GXYLT1: variants seen among roughly 807,000 people sequenced by gnomAD.
GXYLT1 encodes glucoside xylosyltransferase 1, also known as glycosyltransferase 8 domain containing 3.
A neutral mutation model predicts 54.0 loss-of-function variants in GXYLT1; 29 were observed. The ratio of observed to expected loss-of-function variants is 0.54; its 90% confidence interval spans 0.40 to 0.73. The LOEUF (loss-of-function observed/expected upper bound fraction) is 0.73, where lower values mean the gene tolerates loss of function less well. Ranked by LOEUF, GXYLT1 falls within the 30% of genes least tolerant of loss-of-function variation. GXYLT1 has a pLI of 0.00. For synonymous variants in GXYLT1, 176 were observed against 204.1 expected (o/e 0.86, Z 1.17); for missense variants, 490 against 553.4 (o/e 0.89, Z 1.15).
At chr12:42,121,467 A>C (rs2065531062) in intron 2 of GXYLT1, among the ~76,000 whole-genome samples, 1 of 152,064 alleles carries the variant, frequency 6.6e-6, no homozygotes, top group Non-Finnish European at 1.5e-5. Flanking sequence ...CCCAGTATCC[A>C]CACACACAAA....
chr12:42,087,749 TTTG>T lies in GXYLT1; in HGVS notation c.*34_*36del, dbSNP rs753606780. 1.0e-5 allele frequency: 15 copies of T among 1,465,972 alleles called. No homozygotes were observed. The African/African-American group carries it at 2.1e-4, about 21-fold the overall frequency. The allele number at this position is 1,465,972 out of a possible 1,614,324, so 90.8% of individuals were successfully genotyped here. A position where few individuals can be genotyped will look rare whatever the true frequency, so the allele number is the denominator to read the frequency against. Reference sequence around the variant, plus strand: ...TTCCTTCACACTTATCTTCTGATTCTTTGTTTTCATCCATTTGATTAAGCAGTC... The same window carrying T: ...TTCCTTCACACTTATCTTCTGATTCTTTTTCATCCATTTGATTAAGCAGTC... On this transcript the variant is annotated 3_prime_UTR_variant, in exon 8 of 8. Transcript: ENST00000398675.
intron 5 of GXYLT1, among the ~76,000 whole-genome samples, chr12:42,098,937 G>A (rs1037789132): frequency 9.2e-5 from 14 of 151,936 alleles, no homozygotes; most frequent in East Asian, 1.9e-4. Context: ...ATTCTGTAAA[G>A]AGGCACCATG....
chr12:42,101,967 G>A (rs541308922), intron 5 of GXYLT1, among the ~76,000 whole-genome samples: 1 of 152,206 alleles, frequency 6.6e-6, no homozygotes, highest in Non-Finnish European at 1.5e-5. Flanking sequence ...ATATGTCAAG[G>A]GGAGACCTGT....
chr12:42,110,917 G>C (rs1335584560), intron 3 of GXYLT1, among the ~76,000 whole-genome samples: 1 of 152,260 alleles, frequency 6.6e-6, no homozygotes, highest in East Asian at 1.9e-4. Context: ...AACATTCTCA[G>C]TGATTATTAC....
At chr12:42,110,325 C>G (rs1687733815) in intron 3 of GXYLT1, among the ~76,000 whole-genome samples, 1 of 152,102 alleles carries the variant, frequency 6.6e-6, no homozygotes. Flanking sequence ...AGTATTATCT[C>G]TCATTCTTAT....
At position 42,109,585 on chromosome 12, in the gene GXYLT1, G is replaced by A. The variant is rs752358044; in HGVS notation, c.593C>T (p.Ser198Leu). Residue 198 changes from serine to leucine, a missense_variant, in exon 4 of 8, where the codon TCG becomes TTG. This residue lies in a region of GXYLT1 where 342 missense variants were observed against 342.6 expected (regional missense o/e 1.00). Transcript: ENST00000398675. The stretch of plus-strand genomic sequence containing the variant: ...ACTTACCGGCAAGAACAATCTCTGC[G>A]AAGCACATGGTTTAAAGAGTTTTTT... ...EWKKLFKPCA[S>L]QRLFLPLILK... is the part of the protein sequence containing the mutation. 3.8e-6 allele frequency: 6 copies of A among 1,558,868 alleles called. No homozygotes were observed. Among genetic ancestry groups the A allele is most frequent in the African/African-American group, 1.4e-5 (1 of 71,272 alleles).
intron 1 of GXYLT1, among the ~76,000 whole-genome samples, chr12:42,137,973 T>A (rs1165524712): frequency 6.6e-6 from 1 of 152,000 alleles, no homozygotes; most frequent in Non-Finnish European, 1.5e-5. Context: ...AATTTTCAAC[T>A]AAATTGTTTC....
chr12:42,105,307 T>C (rs956141924), intron 5 of GXYLT1, among the ~76,000 whole-genome samples: 4 of 152,232 alleles, frequency 2.6e-5, no homozygotes, highest in Admixed American at 1.3e-4. Flanking sequence ...TAACTTCCAA[T>C]AACACCATAA....
intron 5 of GXYLT1, among the ~76,000 whole-genome samples, chr12:42,099,979 C>G (rs2065380296): frequency 6.6e-6 from 1 of 152,138 alleles, no homozygotes; most frequent in Non-Finnish European, 1.5e-5. Context: ...TACTAATAAT[C>G]TATCAATTTA....
chr12:42,135,127 A>G (rs553968321), intron 1 of GXYLT1, among the ~76,000 whole-genome samples: 2 of 152,352 alleles, frequency 1.3e-5, no homozygotes, highest in South Asian at 2.1e-4. Flanking sequence ...ATAAAAAGAC[A>G]TGATACTGTG....
chr12:42,106,193 A>G (rs1388177787), intron 4 of GXYLT1, 124 bp from the exon 5 acceptor site: 2 of 628,338 alleles, frequency 3.2e-6, no homozygotes, highest in Non-Finnish European at 5.3e-6. Context: ...ATTTTAAGGT[A>G]ATCTTTCCTA....
chr12:42,098,664 C>A (rs2065371390), intron 5 of GXYLT1, among the ~76,000 whole-genome samples: 2 of 150,184 alleles, frequency 1.3e-5, no homozygotes, highest in Non-Finnish European at 3.0e-5. Flanking sequence ...AAAATTCTCA[C>A]AGAGAACTGG....
At chr12:42,113,250 C>T (rs1057397411) in intron 3 of GXYLT1, among the ~76,000 whole-genome samples, 3 of 151,040 alleles carry the variant, frequency 2.0e-5, no homozygotes, top group African/African-American at 7.4e-5. Flanking sequence ...CAGCTAACAT[C>T]GTAATGACAG....
intron 1 of GXYLT1, among the ~76,000 whole-genome samples, chr12:42,137,274 CGAG>C (rs1395450863): frequency 6.6e-6 from 1 of 151,596 alleles, no homozygotes; most frequent in African/African-American, 2.4e-5. Flanking sequence ...TTTGGGAGGC[CGAG>C]GCAGAAGGAT....
intron 5 of GXYLT1, among the ~76,000 whole-genome samples, chr12:42,101,784 C>A (rs1160039650): frequency 6.6e-6 from 1 of 152,084 alleles, no homozygotes; most frequent in Non-Finnish European, 1.5e-5. Context: ...ATTAGCCAGG[C>A]TGGTCTAGGA....
intron 3 of GXYLT1, among the ~76,000 whole-genome samples, chr12:42,115,299 G>A (rs1196243158): frequency 5.3e-5 from 8 of 152,096 alleles, no homozygotes; most frequent in African/African-American, 1.7e-4. Flanking sequence ...GGCAGGAGAA[G>A]GAAATAAAGG....
At chr12:42,105,137 A>C (rs907183492) in intron 5 of GXYLT1, among the ~76,000 whole-genome samples, 3 of 152,236 alleles carry the variant, frequency 2.0e-5, no homozygotes, top group Non-Finnish European at 4.4e-5. Flanking sequence ...AGCAAACTAC[A>C]GTGACTTGCA....
chr12:42,126,663 C>T (rs991601493), intron 2 of GXYLT1, among the ~76,000 whole-genome samples: 2 of 152,012 alleles, frequency 1.3e-5, no homozygotes, highest in Admixed American at 6.5e-5. Context: ...GAGGCCGAGG[C>T]GGCCAGATCA....
rs1052169438 is a variant in GXYLT1 at position 42,087,217 on chromosome 12, T to C, written c.*569A>G. The C allele has an allele frequency of 1.3e-5, 2 of 152,462 alleles. No homozygotes were observed. Among genetic ancestry groups the C allele is most frequent in the African/African-American group, 4.8e-5 (2 of 41,446 alleles). 9.4% of individuals were successfully genotyped at this position (152,462 alleles called of 1,614,324 possible). On this transcript the variant is annotated 3_prime_UTR_variant, in exon 8 of 8. Transcript: ENST00000398675. ...TTTTTAACATGCAGCTTACTTGTAA[T>C]CTAAAAATAATTTTAAACATGATTG...
Sources: allele counts gnomAD v4.1 joint callset (sites outside exome capture counted in the v4.1 genomes callset), GRCh38; gene constraint gnomAD v4.1.1; regional missense constraint gnomAD v4.1.1; transcripts MANE v1.5; gene names NCBI Gene and HGNC (gene_info 2026-07-23, HGNC 2026-07-21).